Variants in PYGO1 observed in about 807,000 individuals in gnomAD.
The protein encoded by PYGO1 is pygopus homolog 1.
A neutral mutation model predicts 29.5 loss-of-function variants in PYGO1; 6 were observed. The observed-to-expected ratio is 0.20, with a 90% confidence interval of 0.11 to 0.40. The LOEUF (loss-of-function observed/expected upper bound fraction) is 0.40, where lower values mean the gene tolerates loss of function less well. Ranked by LOEUF, PYGO1 falls within the 10% of genes least tolerant of loss-of-function variation. PYGO1 has a pLI of 1.00. For missense variants in PYGO1, 515 were observed against 514.9 expected (o/e 1.00, Z 0.00); for synonymous variants, 186 against 180.5 (o/e 1.03, Z -0.24).
intron 2 of PYGO1, among the ~76,000 whole-genome samples, chr15:55,548,535 G>A (rs183670491): frequency 1.4e-4 from 21 of 151,150 alleles, no homozygotes; most frequent in Non-Finnish European, 2.2e-4. Context: ...GTGAAAGCCC[G>A]TCTCTACTAA....
At chr15:55,569,278 T>G (rs2058970615) in intron 1 of PYGO1, among the ~76,000 whole-genome samples, 1 of 152,206 alleles carries the variant, frequency 6.6e-6, no homozygotes, top group African/African-American at 2.4e-5. Flanking sequence ...GGTGTCTCAA[T>G]TTGTTATATT....
chr15:55,559,160 C>T (rs117482472), intron 1 of PYGO1, among the ~76,000 whole-genome samples: 4,202 of 152,100 alleles, frequency 0.028, 86 homozygotes, highest in Non-Finnish European at 0.037. Flanking sequence ...CCCATCGAAA[C>T]GCGGGTGAAG....
intron 1 of PYGO1, among the ~76,000 whole-genome samples, chr15:55,582,206 CAAAAA>C (rs58715888): frequency 9.6e-6 from 1 of 104,088 alleles, no homozygotes; most frequent in African/African-American, 3.8e-5. Context: ...GGCTCCATCT[CAAAAA>C]AAAAAAAAAA....
intron 1 of PYGO1, among the ~76,000 whole-genome samples, chr15:55,580,663 A>C (rs1416282558): frequency 6.6e-6 from 1 of 152,212 alleles, no homozygotes; most frequent in Non-Finnish European, 1.5e-5. Flanking sequence ...GCTGGGATAA[A>C]AACCTTGGCA....
At chr15:55,578,579 T>C (rs983099026) in intron 1 of PYGO1, among the ~76,000 whole-genome samples, 4 of 152,222 alleles carry the variant, frequency 2.6e-5, no homozygotes, top group African/African-American at 9.6e-5. Flanking sequence ...TCACTGTGGT[T>C]TTGATTTGCA....
At position 55,545,709 on chromosome 15, in the gene PYGO1, C is replaced by A; in HGVS notation, c.*314G>T. On this transcript the variant is annotated 3_prime_UTR_variant, in exon 3 of 3. Coordinates refer to ENST00000563719, the MANE Select transcript of PYGO1 (RefSeq NM_001367806.1). ...AATACACGTTTTTCAATGATTCTAA[C>A]TTTTAAAAGTTAAAACTTGCCTACA... The A allele has an allele frequency of 4.9e-6, 1 of 204,846 alleles. No homozygotes were observed. Among genetic ancestry groups the A allele is most frequent in the Non-Finnish European group, 9.7e-6 (1 of 102,606 alleles). The allele number at this position is 204,846 out of a possible 1,614,324, so 12.7% of individuals were successfully genotyped here.
chr15:55,557,484 C>T (rs2058911549), intron 1 of PYGO1, among the ~76,000 whole-genome samples: 1 of 152,220 alleles, frequency 6.6e-6, no homozygotes, highest in African/African-American at 2.4e-5. Context: ...TCCTCCCCAA[C>T]TCATTTTACC....
intron 1 of PYGO1, among the ~76,000 whole-genome samples, chr15:55,578,539 C>T (rs1024176819): frequency 6.6e-6 from 1 of 152,148 alleles, no homozygotes; most frequent in Non-Finnish European, 1.5e-5. Context: ...TTTAATATAG[C>T]CTCCTAGTGA....
At chr15:55,555,686 T>A (rs759080780) in intron 1 of PYGO1, among the ~76,000 whole-genome samples, 39 of 151,940 alleles carry the variant, frequency 2.6e-4, no homozygotes, top group South Asian at 4.1e-4. Flanking sequence ...TAAAATTTTT[T>A]AAAAAATGTA....
intron 1 of PYGO1, among the ~76,000 whole-genome samples, chr15:55,552,678 C>T (rs188859444): frequency 5.3e-5 from 8 of 152,248 alleles, no homozygotes; most frequent in East Asian, 3.9e-4. Flanking sequence ...GGGATCTCCT[C>T]GTGAGCCCAT....
At chr15:55,558,557 A>G (rs567258134) in intron 1 of PYGO1, among the ~76,000 whole-genome samples, 17 of 151,128 alleles carry the variant, frequency 1.1e-4, no homozygotes, top group Non-Finnish European at 2.4e-4. Flanking sequence ...TTAAGCCAAA[A>G]GAACAAAGCT....
intron 1 of PYGO1, among the ~76,000 whole-genome samples, chr15:55,572,658 G>A (rs965952003): frequency 1.3e-5 from 2 of 152,002 alleles, no homozygotes; most frequent in Non-Finnish European, 2.9e-5. Context: ...CTCTTAAGGA[G>A]TTAATACCCA....
intron 1 of PYGO1, among the ~76,000 whole-genome samples, chr15:55,555,598 T>C (rs1003888100): frequency 6.6e-6 from 1 of 150,926 alleles, no homozygotes; most frequent in East Asian, 2.0e-4. Flanking sequence ...GGGTGCAGCA[T>C]ACCAACATGG....
intron 1 of PYGO1, among the ~76,000 whole-genome samples, chr15:55,564,760 T>C (rs773314664): frequency 8.5e-5 from 13 of 152,324 alleles, no homozygotes; most frequent in Middle Eastern, 3.4e-3. Flanking sequence ...TTTAAAACCA[T>C]TGATAATCTC....
chr15:55,575,516 C>G (rs146578634), intron 1 of PYGO1, among the ~76,000 whole-genome samples: 1 of 151,956 alleles, frequency 6.6e-6, no homozygotes, highest in East Asian at 1.9e-4. Context: ...AAATCAATCA[C>G]CCTGTTCACA....
Position 55,546,759 on chromosome 15 carries a change from T to C in PYGO1, c.524A>G (p.His175Arg), listed in dbSNP as rs766148029. 2.5e-6 allele frequency: 4 copies of C among 1,614,028 alleles called. No homozygotes were observed. The African/African-American group carries it at 4.0e-5, about 16-fold the overall frequency. ...LSQNVNMPNQ[H>R]FRQNPAENFS... ...ATTTTCAGCAGGATTTTGTCTAAAA[T>C]GTTGATTAGGCATGTTGACATTCTG... The change falls in exon 3 of 3, where the codon CAT becomes CGT. Residue 175 changes from histidine (H) to arginine (R), a missense_variant. Transcript: ENST00000563719.
intron 1 of PYGO1, among the ~76,000 whole-genome samples, chr15:55,577,534 A>C (rs2059008124): frequency 6.6e-6 from 1 of 151,896 alleles, no homozygotes. Flanking sequence ...TAAGAAAAAT[A>C]AATGTAAAGC....
chr15:55,560,884 C>T (rs1018911107), intron 1 of PYGO1, among the ~76,000 whole-genome samples: 3 of 152,070 alleles, frequency 2.0e-5, no homozygotes, highest in Non-Finnish European at 2.9e-5. Flanking sequence ...ATTGCTTGAA[C>T]CTGTGTTGCA....
intron 1 of PYGO1, among the ~76,000 whole-genome samples, chr15:55,552,243 T>C (rs529139736): frequency 6.6e-6 from 1 of 151,076 alleles, no homozygotes; most frequent in Admixed American, 6.6e-5. Flanking sequence ...TAATCCCAGC[T>C]ACTTGGGAGG....
Sources: allele counts gnomAD v4.1 joint callset (sites outside exome capture counted in the v4.1 genomes callset), GRCh38; gene constraint gnomAD v4.1.1; transcripts MANE v1.5; gene names NCBI Gene and HGNC (gene_info 2026-07-23, HGNC 2026-07-21).